IPO8: variants seen among roughly 807,000 people sequenced by gnomAD.
IPO8 encodes importin-8.
A neutral mutation model predicts 141.2 loss-of-function variants in IPO8; 65 were observed. That is an observed-to-expected ratio of 0.46 (90% confidence interval 0.38 to 0.57). The LOEUF is 0.57. Among genes scored for constraint, IPO8 ranks in the 20% least tolerant of loss-of-function variants. The pLI is 0.00. For missense variants in IPO8, 980 were observed against 1,246.8 expected, an observed-to-expected ratio of 0.79 and a Z score of 3.22; for synonymous variants, 411 against 420.3, an observed-to-expected ratio of 0.98 and a Z score of 0.27.
intron 17 of IPO8, 35 bp downstream of exon 17, chr12:30,656,649 T>G (rs1302701201): frequency 7.5e-7 from 1 of 1,335,600 alleles, no homozygotes; most frequent in Non-Finnish European, 1.0e-6. Context: ...TTAAAATTTT[T>G]TCAATTTATC....
chr12:30,667,173 G>A (rs77123071), intron 10 of IPO8, among the ~76,000 whole-genome samples: 3,155 of 152,286 alleles, frequency 0.021, 97 homozygotes, highest in African/African-American at 0.071. Context: ...CAAGCAGTAT[G>A]CTACAGTTTT....
intron 16 of IPO8, among the ~76,000 whole-genome samples, chr12:30,657,037 A>G (rs574419255): frequency 1.3e-5 from 2 of 152,168 alleles, no homozygotes; most frequent in East Asian, 3.9e-4. Flanking sequence ...AATAAACCAT[A>G]AAAAAATAGA....
chr12:30,663,464 T>C (rs2136150816), intron 14 of IPO8, 25 bp downstream of exon 14: 1 of 1,569,124 alleles, frequency 6.4e-7, no homozygotes, highest in Non-Finnish European at 8.7e-7. Flanking sequence ...TTTGAGAAGA[T>C]GTCTAAAAGG....
Position 30,662,360 on chromosome 12 carries a change from T to C in IPO8, c.1722A>G (p.Val574=). The C allele has an allele frequency of 6.2e-7, 1 of 1,613,906 alleles. No homozygotes were observed. Among genetic ancestry groups the C allele is most frequent in the Middle Eastern group, 1.7e-4 (1 of 6,058 alleles). Residue 574 remains valine (V), a synonymous_variant, in exon 15 of 25, where the codon GTA becomes GTG. Transcript: ENST00000256079. ...GGGTCATATCAACAGCAATTGAGGC[T>C]ACCTCTTGACTGTATTCACATATCA... ...QKMICEYSQE[V]ASIAVDMTQH...
At chr12:30,663,973 A>T (rs2052924922) in intron 13 of IPO8, among the ~76,000 whole-genome samples, 1 of 152,254 alleles carries the variant, frequency 6.6e-6, no homozygotes, top group South Asian at 2.1e-4. Context: ...ATGTAAAAGC[A>T]ACTCCAAACC....
chr12:30,658,638 C>G (rs747516380), intron 16 of IPO8, among the ~76,000 whole-genome samples: 5 of 152,152 alleles, frequency 3.3e-5, no homozygotes, highest in East Asian at 1.9e-4. Flanking sequence ...CCCACACACA[C>G]TTGTGAAAAC....
intron 6 of IPO8, 144 bp from the exon 7 acceptor site, chr12:30,674,897 T>C (rs749527650): frequency 4.5e-5 from 29 of 645,682 alleles, no homozygotes; most frequent in Non-Finnish European, 7.5e-5. Context: ...TCTTTATAGA[T>C]TGCTAGGCAG....
chr12:30,671,137 T>C (rs764857431), intron 8 of IPO8, 41 bp from the exon 9 acceptor site: 4 of 1,437,610 alleles, frequency 2.8e-6, no homozygotes, highest in Non-Finnish European at 3.9e-6. Flanking sequence ...TAAACAATTA[T>C]AAGGTTAAAA....
chr12:30,684,013 T>G (rs2053215052), intron 3 of IPO8, among the ~76,000 whole-genome samples: 1 of 152,206 alleles, frequency 6.6e-6, no homozygotes, highest in Admixed American at 6.5e-5. Flanking sequence ...TAAAGGTCAT[T>G]TAAGTAGCAA....
chr12:30,658,876 CTTTTTTTT>C lies in IPO8; in HGVS notation c.1882-2134_1882-2127del, dbSNP rs11337753. ...AGACTAGTCCAGAAGAGTATCAAGC[CTTTTTTTT>C]TTTTTTTTTTTTTGGAGACAGAGTC... On this transcript the variant is annotated intron_variant, in intron 16 of 24. Coordinates refer to ENST00000256079, the MANE Select transcript of IPO8 (RefSeq NM_006390.4). 5.5e-5 allele frequency among the ~76,000 whole-genome samples: 5 copies of C among 90,188 alleles called. No individual in the cohort carries two copies. The South Asian group carries it at 1.5e-3, about 27-fold the overall frequency. The allele number at this position is 90,188 out of a possible 152,430, so 59.2% of individuals were successfully genotyped here.
intron 9 of IPO8, among the ~76,000 whole-genome samples, chr12:30,670,356 G>A (rs186655584): frequency 1.5e-3 from 227 of 152,278 alleles, no homozygotes; most frequent in Admixed American, 3.1e-3. Flanking sequence ...TCCTAAGACT[G>A]TCAAATTATC....
intron 1 of IPO8, among the ~76,000 whole-genome samples, chr12:30,692,806 C>G (rs913719444): frequency 1.3e-5 from 2 of 152,122 alleles, no homozygotes; most frequent in African/African-American, 4.8e-5. Context: ...CTGGCCCATT[C>G]CTTCACAACA....
At chr12:30,661,014 A>AT in intron 16 of IPO8, 127 bp downstream of exon 16, 1 of 514,724 alleles carries the variant, frequency 1.9e-6, no homozygotes, top group Non-Finnish European at 3.1e-6. Flanking sequence ...TGTGAGGGCA[A>AT]TTTTTAAAGC....
Position 30,676,543 on chromosome 12 carries a change from T to A in IPO8, c.684A>T (p.Thr228=). 1 of 1,613,522 alleles carries A rather than the reference T, an allele frequency of 6.2e-7. No homozygotes were observed. Among genetic ancestry groups the A allele is most frequent in the East Asian group, 2.2e-5 (1 of 44,798 alleles). ...LQLVNNQTMT[T]WMEIFRTIID... is the part of the protein sequence containing the mutation. ...TAATAGTTCGGAAGATCTCCATCCA[T>A]GTTGTCATGGTTTGGTTATTCACTA... is the stretch of plus-strand genomic sequence containing the variant. The change falls in exon 6 of 25, where the codon ACA becomes ACT. Residue 228 remains threonine, a synonymous_variant. Coordinates refer to ENST00000256079, the MANE Select transcript of IPO8 (RefSeq NM_006390.4).
At chr12:30,675,165 T>C (rs2053103102) in intron 6 of IPO8, among the ~76,000 whole-genome samples, 1 of 152,224 alleles carries the variant, frequency 6.6e-6, no homozygotes, top group South Asian at 2.1e-4. Flanking sequence ...TCTCACGATA[T>C]GGACAAGAGA....
intron 2 of IPO8, among the ~76,000 whole-genome samples, chr12:30,689,968 A>C (rs2053275885): frequency 6.6e-6 from 1 of 152,248 alleles, no homozygotes; most frequent in Non-Finnish European, 1.5e-5. Flanking sequence ...AGTCCATAAA[A>C]AAACAAGATA....
intron 23 of IPO8, among the ~76,000 whole-genome samples, chr12:30,633,253 C>T (rs1347305829): frequency 1.3e-5 from 2 of 152,082 alleles, no homozygotes; most frequent in African/African-American, 2.4e-5. Flanking sequence ...TTAGTAAAAA[C>T]ATTTACATGT....
At chr12:30,647,255 C>G (rs1378973918) in intron 20 of IPO8, among the ~76,000 whole-genome samples, 1 of 152,086 alleles carries the variant, frequency 6.6e-6, no homozygotes, top group East Asian at 1.9e-4. Context: ...TAACTACATG[C>G]AAAAGAATTA....
At position 30,664,157 on chromosome 12, in the gene IPO8, T is replaced by G. The variant is rs188019325; in HGVS notation, c.1429-503A>C. 1.4e-3 allele frequency among the ~76,000 whole-genome samples: 214 copies of G among 152,348 alleles called. 2 individuals are homozygous for G. The highest frequency in any genetic ancestry group is 4.5e-3 in the African/African-American group (189 of 41,586). On this transcript the variant is annotated intron_variant, in intron 13 of 24. Transcript: ENST00000256079. ...AATCATTATTATATTTTACTCTCTG[T>G]GTGCATCAAACACAATCAACAGAAA...
Sources: gnomAD v4.1 joint callset for allele counts (sites outside exome capture counted in the v4.1 genomes callset) on GRCh38, gnomAD v4.1.1 for gene constraint, MANE v1.5 for transcripts, NCBI Gene and HGNC (gene_info 2026-07-23, HGNC 2026-07-21) for gene names.